Variants in LRP1B observed in about 807,000 individuals in gnomAD.
The protein encoded by LRP1B is low-density lipoprotein receptor-related protein 1B.
In LRP1B, 217 loss-of-function variants were observed where a neutral mutation model predicts 556.6. The observed-to-expected ratio is 0.39, with a 90% CI of 0.35 to 0.44. The LOEUF (loss-of-function observed/expected upper bound fraction) is 0.44, where lower values mean the gene tolerates loss of function less well. LRP1B is among the 20% of genes least tolerant of loss of function. LRP1B has a pLI of 1.00. For synonymous variants in LRP1B, 2,047 were observed against 1,865.8 expected (o/e 1.10, Z -2.50); for missense variants, 5,053 against 5,620.8 (o/e 0.90, Z 3.23).
Position 140,684,692 on chromosome 2 carries a change from T to C in LRP1B, c.6799+15558A>G, listed in dbSNP as rs367900620. The stretch of plus-strand genomic sequence containing the variant: ...GGCAAAAGAAACATTAAAATGTGCT[T>C]TATTACATGATATAGACATTCTTGT... On this transcript the variant is annotated intron_variant, in intron 41 of 90. Transcript: ENST00000389484. Among the ~76,000 whole-genome samples the C allele has an allele frequency of 2.0e-4, 30 of 152,356 alleles. 1 individual carries two copies. Among genetic ancestry groups the C allele is most frequent in the Middle Eastern group, 6.8e-3 (2 of 294 alleles).
chr2:140,372,487 G>C (rs947560571), intron 69 of LRP1B, among the ~76,000 whole-genome samples: 3 of 151,994 alleles, frequency 2.0e-5, no homozygotes, highest in Non-Finnish European at 2.9e-5. Flanking sequence ...GTGTTTTAAT[G>C]AGTATATTTG....
At chr2:140,725,700 T>TA (rs1687570963) in intron 35 of LRP1B, among the ~76,000 whole-genome samples, 1 of 151,364 alleles carries the variant, frequency 6.6e-6, no homozygotes. Context: ...TAAAAATAAA[T>TA]AAAAAAATAA....
chr2:141,115,305 A>G (rs1413865321), intron 7 of LRP1B, among the ~76,000 whole-genome samples: 1 of 152,120 alleles, frequency 6.6e-6, no homozygotes, highest in Non-Finnish European at 1.5e-5. Flanking sequence ...CACACACACA[A>G]CATGTGATAG....
At chr2:140,762,265 G>T (rs540669324) in intron 35 of LRP1B, among the ~76,000 whole-genome samples, 1 of 152,186 alleles carries the variant, frequency 6.6e-6, no homozygotes, top group East Asian at 1.9e-4. Context: ...AAACCCAAAA[G>T]AATCCTGAAT....
At chr2:140,854,584 A>G (rs1477392160) in intron 27 of LRP1B, among the ~76,000 whole-genome samples, 2 of 152,234 alleles carry the variant, frequency 1.3e-5, no homozygotes, top group Non-Finnish European at 2.9e-5. Flanking sequence ...AATACTGTTC[A>G]TAATACTCAC....
At chr2:140,750,644 C>G (rs1354078182) in intron 35 of LRP1B, among the ~76,000 whole-genome samples, 1 of 152,052 alleles carries the variant, frequency 6.6e-6, no homozygotes, top group African/African-American at 2.4e-5. Context: ...AACTTAAGTC[C>G]ACAAAGGATA....
intron 8 of LRP1B, among the ~76,000 whole-genome samples, chr2:141,059,918 G>A (rs1402825195): frequency 6.6e-6 from 1 of 151,726 alleles, no homozygotes; most frequent in Non-Finnish European, 1.5e-5. Flanking sequence ...TCTGTTCCAG[G>A]GTAAAGTGAA....
At chr2:141,059,948 T>C (rs1050381748) in intron 8 of LRP1B, among the ~76,000 whole-genome samples, 1 of 151,828 alleles carries the variant, frequency 6.6e-6, no homozygotes, top group Non-Finnish European at 1.5e-5. Context: ...TGATTTGCTG[T>C]AGAGATTTTG....
intron 6 of LRP1B, among the ~76,000 whole-genome samples, chr2:141,225,286 T>G (rs1683200755): frequency 6.6e-6 from 1 of 152,134 alleles, no homozygotes; most frequent in Non-Finnish European, 1.5e-5. Flanking sequence ...TTCAGAGTAT[T>G]GAAGAATTCA....
chr2:141,295,978 T>C (rs562867747), intron 3 of LRP1B, among the ~76,000 whole-genome samples: 3 of 152,182 alleles, frequency 2.0e-5, no homozygotes, highest in South Asian at 2.1e-4. Context: ...ACCTCCATCA[T>C]AGCAGACATG....
chr2:141,503,900 T>G (rs1683819971), intron 2 of LRP1B, among the ~76,000 whole-genome samples: 1 of 152,154 alleles, frequency 6.6e-6, no homozygotes, highest in Non-Finnish European at 1.5e-5. Context: ...CTTAATATAT[T>G]TAAGCATTCA....
chr2:141,713,777 A>G (rs1440420998), intron 2 of LRP1B, among the ~76,000 whole-genome samples: 2 of 152,188 alleles, frequency 1.3e-5, no homozygotes, highest in East Asian at 3.9e-4. Flanking sequence ...TCATATTATT[A>G]TGAATCTTTG....
At chr2:141,893,112 T>C (rs1699340809) in intron 1 of LRP1B, among the ~76,000 whole-genome samples, 1 of 152,220 alleles carries the variant, frequency 6.6e-6, no homozygotes, top group South Asian at 2.1e-4. Flanking sequence ...TTTCTGTAAT[T>C]CCTAGTTAGG....
Position 141,059,994 on chromosome 2 carries a change from T to C in LRP1B, c.1237-940A>G, listed in dbSNP as rs889947292. Among the ~76,000 whole-genome samples, 7 of 151,826 alleles carry C rather than the reference T, an allele frequency of 4.6e-5. No homozygotes were observed. The South Asian group carries it at 1.5e-3, about 31-fold the overall frequency. On this transcript the variant is annotated intron_variant, in intron 8 of 90. Coordinates refer to ENST00000389484, the MANE Select transcript of LRP1B (RefSeq NM_018557.3). ...ATCTGTCACTACTTTCGGCATTATA[T>C]TGCACACTTTTAATACACAGATTTG... is the stretch of plus-strand genomic sequence containing the variant.
intron 41 of LRP1B, among the ~76,000 whole-genome samples, chr2:140,697,802 C>T (rs1219519679): frequency 1.3e-5 from 2 of 151,820 alleles, no homozygotes; most frequent in African/African-American, 4.8e-5. Flanking sequence ...GGAGATATTG[C>T]CTTACACAGA....
At chr2:140,881,538 G>A (rs1164774209) in intron 25 of LRP1B, among the ~76,000 whole-genome samples, 4 of 151,476 alleles carry the variant, frequency 2.6e-5, no homozygotes, top group Admixed American at 6.6e-5. Flanking sequence ...ACAAAAATCT[G>A]TCAACCTTCC....
chr2:141,991,671 A>G (rs896142606), intron 1 of LRP1B, among the ~76,000 whole-genome samples: 1 of 152,042 alleles, frequency 6.6e-6, no homozygotes. Context: ...GAGGAAACAG[A>G]CTTAGTTTTT....
rs146975153 is a variant in LRP1B, at chr2:141,183,757, A to G, written c.1013+4664T>C. On this transcript the variant is annotated intron_variant, in intron 7 of 90. Transcript: ENST00000389484. Reference sequence around the variant, plus strand: ...GGAGATCTTCCCCCTCCCTCAATTTAGCCAAATCACATAATTCTTTTGAAC... The same window carrying G: ...GGAGATCTTCCCCCTCCCTCAATTTGGCCAAATCACATAATTCTTTTGAAC... Among the ~76,000 whole-genome samples the G allele has an allele frequency of 6.1e-3, 921 of 152,144 alleles. 10 individuals are homozygous for G. Among genetic ancestry groups the G allele is most frequent in the African/African-American group, 0.02 (843 of 41,542 alleles).
At chr2:141,057,711 A>G (rs912037791) in intron 9 of LRP1B, among the ~76,000 whole-genome samples, 1 of 151,892 alleles carries the variant, frequency 6.6e-6, no homozygotes, top group Non-Finnish European at 1.5e-5. Context: ...TTCCCCAGCC[A>G]TGTGGAACTG....
Sources: allele counts gnomAD v4.1 joint callset (sites outside exome capture counted in the v4.1 genomes callset), GRCh38; gene constraint gnomAD v4.1.1; transcripts MANE v1.5; gene names NCBI Gene and HGNC (gene_info 2026-07-23, HGNC 2026-07-21).